The following CACNA1A variants were observed in gnomAD, a reference collection of about 807,000 sequenced individuals.
The protein encoded by CACNA1A is voltage-dependent P/Q-type calcium channel subunit alpha-1A.
Under a neutral mutation model 262.4 loss-of-function variants are expected in CACNA1A, and 57 were observed. That is an observed-to-expected ratio of 0.22 (90% CI 0.18 to 0.27). The LOEUF is 0.27. Ranked by LOEUF, CACNA1A falls within the 10% of genes least tolerant of loss-of-function variation. The pLI is 1.00. For synonymous variants in CACNA1A, 1,431 were observed against 1,419.3 expected (o/e 1.01, Z -0.18); for missense variants, 2,526 against 3,562.8 (o/e 0.71, Z 7.41).
chr19:13,460,969 A>AT (rs1488132774), intron 1 of CACNA1A, among the ~76,000 whole-genome samples: 1 of 151,664 alleles, frequency 6.6e-6, no homozygotes, highest in East Asian at 1.9e-4. Context: ...GCACGTGGGG[A>AT]TTTTTTGTCT....
At chr19:13,398,499 AG>A (rs1315604010) in intron 3 of CACNA1A, among the ~76,000 whole-genome samples, 4 of 152,216 alleles carry the variant, frequency 2.6e-5, no homozygotes, top group African/African-American at 9.6e-5. Flanking sequence ...TGTCTAGAAC[AG>A]GGCTGAGCAG....
rs2058054413 is a variant in CACNA1A at position 13,312,527 on chromosome 19, G to A, written c.1668+142C>T. The A allele has an allele frequency of 1.2e-5, 7 of 593,272 alleles. No individual in the cohort carries two copies. In the Admixed American group the frequency reaches 2.4e-4, roughly 20 times the overall value. The allele number at this position is 593,272 out of a possible 1,614,324, so 36.8% of individuals were successfully genotyped here. On this transcript the variant is annotated intron_variant, in intron 12 of 46. Transcript: ENST00000360228. ...ACACTGTATCCTTGCCAGTGTTTGG[G>A]ATTGTTTTCTCATTCCTTCTGCATC...
intron 38 of CACNA1A, among the ~76,000 whole-genome samples, chr19:13,219,696 T>C (rs762827251): frequency 3.5e-4 from 53 of 152,168 alleles, no homozygotes; most frequent in Non-Finnish European, 6.0e-4. Flanking sequence ...GGCTCACGCC[T>C]GTAATCCCAG....
chr19:13,355,883 A>G (rs2058999681), intron 6 of CACNA1A, among the ~76,000 whole-genome samples: 1 of 152,158 alleles, frequency 6.6e-6, no homozygotes, highest in Non-Finnish European at 1.5e-5. Context: ...ACTTGATGCC[A>G]ATAGCATCCT....
chr19:13,380,282 CAAAAA>C (rs58162911), intron 3 of CACNA1A, among the ~76,000 whole-genome samples: 5 of 22,032 alleles, frequency 2.3e-4, no homozygotes, highest in South Asian at 2.4e-3. Context: ...GATGCCGTCT[CAAAAA>C]AAAAAAAAAA....
chr19:13,296,134 C>CAGT (rs2057661899), intron 19 of CACNA1A, among the ~76,000 whole-genome samples: 1 of 152,158 alleles, frequency 6.6e-6, no homozygotes, highest in Non-Finnish European at 1.5e-5. Context: ...GTCCCTGGAC[C>CAGT]AGTAGTATCA....
At chr19:13,504,115 C>T (rs1194314177) in intron 1 of CACNA1A, among the ~76,000 whole-genome samples, 1 of 152,108 alleles carries the variant, frequency 6.6e-6, no homozygotes, top group East Asian at 1.9e-4. Flanking sequence ...CGAGCAAAGC[C>T]CTCTCACTCC....
chr19:13,465,675 G>C (rs541223104), intron 1 of CACNA1A, among the ~76,000 whole-genome samples: 2 of 152,138 alleles, frequency 1.3e-5, no homozygotes, highest in East Asian at 3.9e-4. Context: ...GTTTTGTAGA[G>C]ATGGAGTTTT....
At chr19:13,335,257 T>A (rs2145137292) in intron 7 of CACNA1A, among the ~76,000 whole-genome samples, 1 of 152,262 alleles carries the variant, frequency 6.6e-6, no homozygotes, top group South Asian at 2.1e-4. Flanking sequence ...CCTTTTCCTG[T>A]TTGGAACATG....
At chr19:13,304,399 TGGGA>T (rs1255301139) in intron 15 of CACNA1A, among the ~76,000 whole-genome samples, 1 of 151,594 alleles carries the variant, frequency 6.6e-6, no homozygotes, top group Non-Finnish European at 1.5e-5. Flanking sequence ...GAGGCCAAGG[TGGGA>T]GGATCACTTG....
chr19:13,444,694 G>C (rs954770508), intron 3 of CACNA1A, among the ~76,000 whole-genome samples: 1 of 152,060 alleles, frequency 6.6e-6, no homozygotes, highest in Non-Finnish European at 1.5e-5. Context: ...CACTTCCATT[G>C]CCCAAAAAGC....
intron 3 of CACNA1A, among the ~76,000 whole-genome samples, chr19:13,429,775 G>A (rs1180946929): frequency 1.3e-5 from 2 of 151,718 alleles, no homozygotes; most frequent in African/African-American, 4.8e-5. Context: ...AATGGAATAC[G>A]ATTCGGCCTG....
chr19:13,376,700 C>T lies in CACNA1A; in HGVS notation c.540-4921G>A, dbSNP rs919412180. Reference sequence around the variant, plus strand: ...GATACACTACACATAATATATGTTACATATGATACACTACACATAATATAT... The same window carrying T: ...GATACACTACACATAATATATGTTATATATGATACACTACACATAATATAT... On this transcript the variant is annotated intron_variant, in intron 3 of 46. Transcript: ENST00000360228. Among the ~76,000 whole-genome samples the T allele has an allele frequency of 1.4e-5, 2 of 146,398 alleles. 1 individual carries two copies. Among genetic ancestry groups the T allele is most frequent in the African/African-American group, 5.1e-5 (2 of 39,554 alleles).
intron 3 of CACNA1A, among the ~76,000 whole-genome samples, chr19:13,435,308 G>A (rs1202521301): frequency 6.6e-6 from 1 of 150,932 alleles, no homozygotes; most frequent in Non-Finnish European, 1.5e-5. Flanking sequence ...AAGAGATGGG[G>A]TCTTGCTATA....
intron 38 of CACNA1A, among the ~76,000 whole-genome samples, chr19:13,217,137 A>C (rs2055042284): frequency 2.0e-5 from 3 of 152,198 alleles, no homozygotes; most frequent in Admixed American, 2.0e-4. Flanking sequence ...CTCCGTCTCA[A>C]AACAATACAA....
chr19:13,241,667 G>A lies in CACNA1A; in HGVS notation c.4950+3515C>T, dbSNP rs2056086761. The A allele has an allele frequency of 1.5e-6, 1 of 660,854 alleles. No individual in the cohort carries two copies. The highest frequency in any genetic ancestry group is 1.8e-5 in the African/African-American group (1 of 56,360). The allele number at this position is 660,854 out of a possible 1,614,324, so 40.9% of individuals were successfully genotyped here. A position where few individuals can be genotyped will look rare whatever the true frequency, so the allele number is the denominator to read the frequency against. ...TTCCCGGGCGGGGAGTGGGGGTGGT[G>A]GTGGCGGTGGGTTGGGAGATAAGTC... On this transcript the variant is annotated intron_variant, in intron 31 of 46. Coordinates refer to ENST00000360228, the MANE Select transcript of CACNA1A (RefSeq NM_001127222.2). This position sits in a 1 kb window ranked among gnomAD's most constrained non-coding sequence, Gnocchi z 4.0.
chr19:13,265,332 C>G (rs1305753939), intron 24 of CACNA1A, among the ~76,000 whole-genome samples: 1 of 152,210 alleles, frequency 6.6e-6, no homozygotes, highest in African/African-American at 2.4e-5. Context: ...AGAGCTGCCC[C>G]AGAGACCCCC....
chr19:13,439,713 G>A (rs114070072), intron 3 of CACNA1A, among the ~76,000 whole-genome samples: 1,608 of 152,102 alleles, frequency 0.011, 23 homozygotes, highest in African/African-American at 0.036. Flanking sequence ...GCCTGGCCCA[G>A]TCTGGGTTCT....
At chr19:13,266,366 C>G (rs2056864218) in intron 24 of CACNA1A, among the ~76,000 whole-genome samples, 1 of 151,962 alleles carries the variant, frequency 6.6e-6, no homozygotes, top group African/African-American at 2.4e-5. Context: ...ACCACTGCAC[C>G]TGGCTAAAGT....
Sources: allele counts gnomAD v4.1 joint callset (sites outside exome capture counted in the v4.1 genomes callset), GRCh38; gene constraint gnomAD v4.1.1; non-coding constraint Gnocchi (gnomAD v3.1); transcripts MANE v1.5; gene names NCBI Gene and HGNC (gene_info 2026-07-23, HGNC 2026-07-21).